SH2B2: variants seen among roughly 807,000 people sequenced by gnomAD.
SH2B2 encodes SH2B adapter protein 2.
A neutral mutation model predicts 35.7 loss-of-function variants in SH2B2; 37 were observed. The ratio of observed to expected loss-of-function variants is 1.04; its 90% CI spans 0.80 to 1.36. The LOEUF is 1.36. Among genes scored for constraint, SH2B2 ranks in the 40% most tolerant of loss-of-function variants. The pLI is 0.00. For synonymous variants in SH2B2, 383 were observed against 376.4 expected (o/e 1.02, Z -0.20); for missense variants, 852 against 817.7 (o/e 1.04, Z -0.51).
Position 102,292,816 on chromosome 7 carries a change from T to G in SH2B2, c.-30+5722T>G, listed in dbSNP as rs76061998. Among the ~76,000 whole-genome samples the G allele has an allele frequency of 5.4e-3, 817 of 152,346 alleles. 10 individuals are homozygous for G. The highest frequency in any genetic ancestry group is 0.019 in the African/African-American group (778 of 41,580). On this transcript the variant is annotated intron_variant, in intron 1 of 8. Transcript: ENST00000444095. The stretch of plus-strand genomic sequence containing the variant: ...TTAGTTCTGACCGTCTCCCCCTTCA[T>G]GCACTTGGTTCTCTGACTGCTGCTC...
intron 2 of SH2B2, among the ~76,000 whole-genome samples, chr7:102,302,105 C>T (rs1238399808): frequency 6.6e-6 from 1 of 152,242 alleles, no homozygotes; most frequent in African/African-American, 2.4e-5. Flanking sequence ...GAGATCCTCC[C>T]CCACCTTGGC....
In SH2B2 at chr7:102,300,745, C is replaced by G. The variant is rs782756291; in HGVS notation, c.195C>G (p.Phe65Leu). Residue 65 changes from phenylalanine (F) to leucine (L), a missense_variant, in exon 2 of 9, where the codon TTC becomes TTG. Around this residue, in one of 3 missense-constraint regions of SH2B2, gnomAD observed 294 missense variants for 286.6 expected, o/e 1.03. Coordinates refer to ENST00000444095, the MANE Select transcript of SH2B2 (RefSeq NM_001359228.2). The part of the protein sequence containing the change: ...PDAGASFSRH[F>L]AANFLDVFGE... ...CCGGCGCCTCCTTCTCCCGCCACTT[C>G]GCCGCCAACTTCCTGGACGTCTTCG... is the stretch of plus-strand genomic sequence containing the variant. 2 of 1,540,160 alleles carry G rather than the reference C, an allele frequency of 1.3e-6. No individual in the cohort carries two copies. The highest frequency in any genetic ancestry group is 2.5e-5 in the East Asian group (1 of 40,514).
chr7:102,299,377 T>TGGGGAACAAC (rs1793059827), intron 1 of SH2B2, among the ~76,000 whole-genome samples: 1 of 150,382 alleles, frequency 6.6e-6, no homozygotes, highest in Non-Finnish European at 1.5e-5. Context: ...TTTTGTATTT[T>TGGGGAACAAC]TAGTAGAGAC....
chr7:102,303,303 G>A (rs996419466), intron 2 of SH2B2, among the ~76,000 whole-genome samples: 2 of 152,118 alleles, frequency 1.3e-5, no homozygotes, highest in African/African-American at 4.8e-5. Context: ...AGGTCCTTGG[G>A]CACTGAGAGG....
intron 1 of SH2B2, among the ~76,000 whole-genome samples, chr7:102,288,877 C>G (rs1260357907): frequency 1.3e-5 from 2 of 152,230 alleles, no homozygotes; most frequent in Non-Finnish European, 1.5e-5. Context: ...GAGGCTGGCA[C>G]TTCTTGCCCT....
intron 1 of SH2B2, among the ~76,000 whole-genome samples, chr7:102,293,593 G>C (rs911396431): frequency 1.6e-4 from 24 of 152,034 alleles, no homozygotes; most frequent in African/African-American, 5.3e-4. Flanking sequence ...GCTCCGAGGA[G>C]GGCCAGCACC....
At chr7:102,302,343 C>A (rs1554554115) in intron 2 of SH2B2, among the ~76,000 whole-genome samples, 1 of 152,238 alleles carries the variant, frequency 6.6e-6, no homozygotes, top group African/African-American at 2.4e-5. Flanking sequence ...TGCTCTTCCC[C>A]AGCTCAGCTG....
intron 2 of SH2B2, among the ~76,000 whole-genome samples, chr7:102,301,585 C>T (rs1454518964): frequency 6.7e-6 from 1 of 148,958 alleles, no homozygotes; most frequent in Admixed American, 6.6e-5. Flanking sequence ...TGTGTGTGCG[C>T]GCGCGTGTGT....
chr7:102,315,757 AAAAAAG>A, intron 6 of SH2B2, among the ~76,000 whole-genome samples: 1 of 149,734 alleles, frequency 6.7e-6, no homozygotes, highest in Admixed American at 6.7e-5. Context: ...AAAAAAAAAA[AAAAAAG>A]AAAAGAAAAG....
intron 2 of SH2B2, among the ~76,000 whole-genome samples, chr7:102,302,179 G>A (rs1793220276): frequency 6.6e-6 from 1 of 152,230 alleles, no homozygotes; most frequent in African/African-American, 2.4e-5. Flanking sequence ...CGTTCTTGAT[G>A]TTGTTCAAGA....
intron 2 of SH2B2, among the ~76,000 whole-genome samples, chr7:102,302,515 C>T (rs1447513173): frequency 6.6e-6 from 1 of 152,252 alleles, no homozygotes; most frequent in Non-Finnish European, 1.5e-5. Flanking sequence ...CACGTCTTCT[C>T]CAAGGTGGCC....
At chr7:102,292,197 G>A (rs1256617464) in intron 1 of SH2B2, among the ~76,000 whole-genome samples, 6 of 152,014 alleles carry the variant, frequency 3.9e-5, no homozygotes, top group African/African-American at 1.5e-4. Context: ...AGACCAGCCT[G>A]GGCAACATAG....
intron 2 of SH2B2, among the ~76,000 whole-genome samples, chr7:102,301,720 C>T (rs1305220887): frequency 6.6e-6 from 1 of 151,780 alleles, no homozygotes; most frequent in African/African-American, 2.4e-5. Flanking sequence ...TTACAGGCAC[C>T]CACCACGATG....
Position 102,314,331 on chromosome 7 carries a change from C to T in SH2B2, c.924-5C>T. The T allele has an allele frequency of 5.0e-6, 2 of 398,614 alleles. No individual in the cohort carries two copies. The highest frequency in any genetic ancestry group is 8.8e-6 in the Non-Finnish European group (2 of 226,090). The allele number at this position is 398,614 out of a possible 1,614,324, so 24.7% of individuals were successfully genotyped here. A position where few individuals can be genotyped will look rare whatever the true frequency, so the allele number is the denominator to read the frequency against. On this transcript the variant is annotated splice_polypyrimidine_tract_variant and splice_region_variant and intron_variant, in intron 4 of 8. Coordinates refer to ENST00000444095, the MANE Select transcript of SH2B2 (RefSeq NM_001359228.2). ...GGACATGGTTTCCATTTCTTGTCTC[C>T]ACAGTGACAGTGAGGAAGACACCGA...
Position 102,297,577 on chromosome 7 carries a change from G to A in SH2B2, c.-29-2945G>A, listed in dbSNP as rs578077241. Among the ~76,000 whole-genome samples, 2 of 152,188 alleles carry A rather than the reference G, an allele frequency of 1.3e-5. No homozygotes were observed. The highest frequency in any genetic ancestry group is 2.9e-5 in the Non-Finnish European group (2 of 68,044). ...TCCTGGAGTCACTGCAGACCTGGGC[G>A]AGAACCCTGGACCTGTCTTGTCACT... On this transcript the variant is annotated intron_variant, in intron 1 of 8. Coordinates refer to ENST00000444095, the MANE Select transcript of SH2B2 (RefSeq NM_001359228.2). This position sits in a 1 kb window ranked among gnomAD's most constrained non-coding sequence, Gnocchi z 4.3.
intron 6 of SH2B2, among the ~76,000 whole-genome samples, chr7:102,315,856 A>G (rs73402330): frequency 0.026 from 3,958 of 151,934 alleles, 150 homozygotes; most frequent in African/African-American, 0.089. Context: ...GATTGGGAAC[A>G]GGCGACTGGA....
chr7:102,302,169 C>T (rs562972998), intron 2 of SH2B2, among the ~76,000 whole-genome samples: 54 of 152,338 alleles, frequency 3.5e-4, no homozygotes, highest in Non-Finnish European at 7.1e-4. Flanking sequence ...CCCAGGGCAC[C>T]GTTCTTGATG....
chr7:102,301,537 CGTGTGTGTGTGTGTGTGTGTCCGTGTGT>C (rs1296967732), intron 2 of SH2B2, among the ~76,000 whole-genome samples: 18 of 148,106 alleles, frequency 1.2e-4, no homozygotes, highest in Admixed American at 2.0e-4. Context: ...TTTTTCTTTT[CGTGTGTGTGTGTGTGTGTGTCCGTGTGT>C]GTGTGTGTGT....
intron 1 of SH2B2, among the ~76,000 whole-genome samples, chr7:102,295,259 C>T (rs568448400): frequency 6.6e-6 from 1 of 152,332 alleles, no homozygotes; most frequent in East Asian, 1.9e-4. Flanking sequence ...CACACCTACC[C>T]TTCCCAGGCT....
Sources: gnomAD v4.1 joint callset for allele counts (sites outside exome capture counted in the v4.1 genomes callset) on GRCh38, gnomAD v4.1.1 for gene constraint, gnomAD v4.1.1 regional missense constraint, Gnocchi (gnomAD v3.1) non-coding constraint, MANE v1.5 for transcripts, NCBI Gene and HGNC (gene_info 2026-07-23, HGNC 2026-07-21) for gene names.